IQCM: variants seen among roughly 807,000 people sequenced by gnomAD.
The protein encoded by IQCM is IQ domain-containing protein M.
A neutral mutation model predicts 57.6 loss-of-function variants in IQCM; 45 were observed. That is an observed-to-expected ratio of 0.78 (90% CI 0.62 to 1.00). The LOEUF (loss-of-function observed/expected upper bound fraction) is 1.00. Among genes scored for constraint, IQCM ranks in the 50% least tolerant of loss-of-function variants. The pLI, the probability that IQCM is intolerant of heterozygous loss-of-function variation, is 0.00. For missense variants in IQCM, 468 were observed against 511.6 expected, an observed-to-expected ratio of 0.91 and a Z score of 0.82; for synonymous variants, 148 against 158.9, an observed-to-expected ratio of 0.93 and a Z score of 0.51.
chr4:149,382,950 T>C (rs1731175951), intron 13 of IQCM, among the ~76,000 whole-genome samples: 6 of 151,342 alleles, frequency 4.0e-5, no homozygotes, highest in Admixed American at 2.6e-4. Flanking sequence ...ACTTGAGTTT[T>C]ATTTTTAATC....
chr4:149,670,734 T>C (rs1761185632), intron 7 of IQCM, among the ~76,000 whole-genome samples: 1 of 152,172 alleles, frequency 6.6e-6, no homozygotes, highest in African/African-American at 2.4e-5. Context: ...ATTGAGATAA[T>C]GTTGTGGTTT....
At chr4:149,592,012 T>C (rs1220706579) in intron 8 of IQCM, among the ~76,000 whole-genome samples, 1 of 152,006 alleles carries the variant, frequency 6.6e-6, no homozygotes, top group African/African-American at 2.4e-5. Context: ...GTTCTAGATC[T>C]TTGAGGAATC....
intron 12 of IQCM, among the ~76,000 whole-genome samples, chr4:149,539,472 G>C (rs1196923507): frequency 1.3e-5 from 2 of 152,188 alleles, no homozygotes; most frequent in East Asian, 3.9e-4. Flanking sequence ...CATGCTTATG[G>C]TTGTACACCA....
chr4:149,615,475 A>G (rs1420100547), intron 8 of IQCM, among the ~76,000 whole-genome samples: 7 of 152,202 alleles, frequency 4.6e-5, no homozygotes, highest in Non-Finnish European at 1.0e-4. Context: ...TTAGGGTCCC[A>G]TGTGCCACTG....
intron 12 of IQCM, among the ~76,000 whole-genome samples, chr4:149,519,632 C>T (rs1745398449): frequency 6.6e-6 from 1 of 151,420 alleles, no homozygotes; most frequent in South Asian, 2.1e-4. Context: ...GGCAACAGAG[C>T]GAGACTCTGT....
At chr4:149,812,543 T>C (rs927678100) in intron 2 of IQCM, among the ~76,000 whole-genome samples, 2 of 150,724 alleles carry the variant, frequency 1.3e-5, no homozygotes, top group African/African-American at 2.4e-5. Context: ...CCTTTGAGGA[T>C]AGTAAAATCC....
intron 13 of IQCM, among the ~76,000 whole-genome samples, chr4:149,369,344 G>T (rs550682072): frequency 1.3e-5 from 2 of 151,792 alleles, no homozygotes; most frequent in Non-Finnish European, 2.9e-5. Context: ...ACACCTGGCT[G>T]ACACAAATAC....
intron 2 of IQCM, among the ~76,000 whole-genome samples, chr4:149,807,038 AC>A (rs2150060168): frequency 1.3e-5 from 2 of 152,080 alleles, no homozygotes; most frequent in African/African-American, 4.8e-5. Context: ...AATATATTTC[AC>A]ACTCATGGAC....
intron 7 of IQCM, among the ~76,000 whole-genome samples, chr4:149,633,651 T>C (rs971617150): frequency 6.6e-6 from 1 of 152,166 alleles, no homozygotes; most frequent in Non-Finnish European, 1.5e-5. Flanking sequence ...AGAACAAAAT[T>C]AAGTTAATTT....
rs1752789364 is a variant in IQCM at position 149,587,961 on chromosome 4, G to T, written c.718C>A (p.Pro240Thr). 3 of 1,225,916 alleles carry T rather than the reference G, an allele frequency of 2.4e-6. No homozygotes were observed. In the East Asian group the frequency reaches 9.5e-5, roughly 39 times the overall value. 75.9% of individuals were successfully genotyped at this position (1,225,916 alleles called of 1,614,324 possible). A position where few individuals can be genotyped will look rare whatever the true frequency, so the allele number is the denominator to read the frequency against. The change falls in exon 9 of 14, where the codon CCT becomes ACT. Residue 240 changes from proline to threonine, a missense_variant. By Grantham distance (38) the Pro-to-Thr change is conservative. Coordinates refer to ENST00000636793, the MANE Select transcript of IQCM (RefSeq NM_001363507.2). ...FKTLIKKERQ[P>T]IKPEPKSQPR... is the part of the protein sequence containing the mutation. Reference sequence around the variant, plus strand: ...TGTGATTTTGGTTCTGGCTTGATAGGTTGTCGCTCCTTTTTAATAAGGGTT... The same window carrying T: ...TGTGATTTTGGTTCTGGCTTGATAGTTTGTCGCTCCTTTTTAATAAGGGTT...
intron 12 of IQCM, among the ~76,000 whole-genome samples, chr4:149,479,606 A>G (rs55993687): frequency 0.22 from 33,009 of 152,196 alleles, 4,488 homozygotes; most frequent in Non-Finnish European, 0.29. Context: ...TTAAGAATTC[A>G]AGGAGTTCCT....
chr4:149,706,006 C>T (rs1424241608), intron 5 of IQCM, among the ~76,000 whole-genome samples: 2 of 151,834 alleles, frequency 1.3e-5, no homozygotes, highest in Non-Finnish European at 2.9e-5. Context: ...CTCCAGAAGT[C>T]ATGTACAAAA....
chr4:149,681,010 C>T (rs1394165987), intron 7 of IQCM, among the ~76,000 whole-genome samples: 1 of 151,252 alleles, frequency 6.6e-6, no homozygotes, highest in African/African-American at 2.4e-5. Context: ...ACAACTGACC[C>T]ATGTGAGGTG....
At chr4:149,661,839 CTG>C (rs1186175533) in intron 7 of IQCM, among the ~76,000 whole-genome samples, 1 of 151,952 alleles carries the variant, frequency 6.6e-6, no homozygotes, top group Non-Finnish European at 1.5e-5. Flanking sequence ...TGAGTCTTCT[CTG>C]TCTTAGTCTG....
chr4:149,617,174 T>C (rs189829820), intron 8 of IQCM, among the ~76,000 whole-genome samples: 102 of 152,056 alleles, frequency 6.7e-4, no homozygotes, highest in Admixed American at 7.9e-4. Context: ...AGGGTGGTCT[T>C]GAACTTTCAA....
intron 7 of IQCM, among the ~76,000 whole-genome samples, chr4:149,661,910 T>C (rs998431329): frequency 6.6e-6 from 1 of 152,096 alleles, no homozygotes; most frequent in African/African-American, 2.4e-5. Context: ...TTCATTGATC[T>C]TTTGAATGGT....
chr4:149,713,078 T>A (rs1274481609), intron 5 of IQCM, among the ~76,000 whole-genome samples: 3 of 152,176 alleles, frequency 2.0e-5, no homozygotes, highest in Non-Finnish European at 2.9e-5. Context: ...GAAGTCCTAC[T>A]AAAACAAAAT....
chr4:149,780,542 T>C (rs1292206227), intron 2 of IQCM, among the ~76,000 whole-genome samples: 1 of 150,090 alleles, frequency 6.7e-6, no homozygotes, highest in East Asian at 2.0e-4. Context: ...TATATATATA[T>C]ATATAAAACA....
intron 8 of IQCM, among the ~76,000 whole-genome samples, chr4:149,603,299 G>T (rs530860971): frequency 6.6e-6 from 1 of 152,150 alleles, no homozygotes; most frequent in African/African-American, 2.4e-5. Flanking sequence ...AATGTTAAAA[G>T]GCAAAGGTTA....
Sources: allele counts gnomAD v4.1 joint callset (sites outside exome capture counted in the v4.1 genomes callset), GRCh38; gene constraint gnomAD v4.1.1; transcripts MANE v1.5; gene names NCBI Gene and HGNC (gene_info 2026-07-23, HGNC 2026-07-21).